The following TBC1D5 variants were observed in gnomAD, a reference collection of about 807,000 sequenced individuals.
The protein encoded by TBC1D5 is TBC1 domain family, member 5.
In TBC1D5, 75 loss-of-function variants were observed where a neutral mutation model predicts 100.3. The observed-to-expected ratio is 0.75, with a 90% CI of 0.62 to 0.91. The LOEUF (loss-of-function observed/expected upper bound fraction) is 0.91, where lower values mean the gene tolerates loss of function less well. Among genes scored for constraint, TBC1D5 ranks in the 40% least tolerant of loss-of-function variants. TBC1D5 has a pLI of 0.00. For synonymous variants in TBC1D5, 323 were observed against 325.6 expected (o/e 0.99, Z 0.09); for missense variants, 910 against 942.4 (o/e 0.97, Z 0.45).
chr3:17,399,779 G>T (rs1432870776), intron 8 of TBC1D5, among the ~76,000 whole-genome samples: 1 of 152,030 alleles, frequency 6.6e-6, no homozygotes, highest in Non-Finnish European at 1.5e-5. Context: ...TGCTCTAGCC[G>T]AACTGACTTC....
intron 8 of TBC1D5, among the ~76,000 whole-genome samples, chr3:17,390,740 TG>T (rs1174025256): frequency 6.6e-6 from 1 of 152,134 alleles, no homozygotes; most frequent in Non-Finnish European, 1.5e-5. Context: ...TATCTTACTG[TG>T]GTTTATTGTT....
Position 17,685,639 on chromosome 3 carries a change from C to T in TBC1D5, c.-101+53704G>A, listed in dbSNP as rs367813226. Among the ~76,000 whole-genome samples, 24 of 152,104 alleles carry T rather than the reference C, an allele frequency of 1.6e-4. 1 individual carries two copies. The South Asian group carries it at 2.5e-3, about 16-fold the overall frequency. ...ATCCTCATCTCAATACATATGAACA[C>T]ATTTTCAATGTTTAAAAGACTGCAT... is the stretch of plus-strand genomic sequence containing the variant. On this transcript the variant is annotated intron_variant, in intron 1 of 21. Transcript: ENST00000253692.
chr3:17,562,087 TG>T (rs1344550930), intron 2 of TBC1D5: 1 of 152,092 alleles, frequency 6.6e-6, no homozygotes, highest in East Asian at 1.9e-4. Context: ...GAGGCTACAA[TG>T]GGCTATGATT....
chr3:17,471,724 C>CAT (rs1172916381), intron 3 of TBC1D5, among the ~76,000 whole-genome samples: 1 of 145,178 alleles, frequency 6.9e-6, no homozygotes, highest in Non-Finnish European at 1.5e-5. Flanking sequence ...ATATCCAGTA[C>CAT]ATGTACACAC....
At chr3:17,659,287 G>A (rs115362963) in intron 1 of TBC1D5, among the ~76,000 whole-genome samples, 1 of 152,148 alleles carries the variant, frequency 6.6e-6, no homozygotes, top group Non-Finnish European at 1.5e-5. Context: ...AAGTCAAGGT[G>A]CTGAATAATA....
chr3:17,690,590 A>AT (rs2071003387), intron 1 of TBC1D5, among the ~76,000 whole-genome samples: 1 of 152,214 alleles, frequency 6.6e-6, no homozygotes, highest in African/African-American at 2.4e-5. Flanking sequence ...CTTCATCTGT[A>AT]TTTACAGCTG....
intron 3 of TBC1D5, among the ~76,000 whole-genome samples, chr3:17,445,619 T>C (rs1224380151): frequency 2.0e-5 from 3 of 152,208 alleles, no homozygotes; most frequent in African/African-American, 7.2e-5. Context: ...TACAATAAGA[T>C]ATTTTTGAAA....
chr3:17,559,278 T>TTG (rs1364776073), intron 2 of TBC1D5, among the ~76,000 whole-genome samples: 1 of 151,824 alleles, frequency 6.6e-6, no homozygotes, highest in East Asian at 2.0e-4. Flanking sequence ...GTAGCTGGGA[T>TTG]TACAGGCATG....
In TBC1D5 at chr3:17,246,467, AAAGT is replaced by A. The variant is rs140473156; in HGVS notation, c.1332-8052_1332-8049del. 7.1e-4 allele frequency among the ~76,000 whole-genome samples: 108 copies of A among 152,336 alleles called. No individual in the cohort carries two copies. In the East Asian group the frequency reaches 0.018, roughly 26 times the overall value. ...AAAATGCAAAGGAACTAGAATAGTG[AAAGT>A]AATAAAAAAGAACAAAGTTGGAGGA... On this transcript the variant is annotated intron_variant, in intron 16 of 21. Coordinates refer to ENST00000253692, the Ensembl canonical transcript of TBC1D5.
chr3:17,252,318 C>T (rs1262257111), intron 16 of TBC1D5, among the ~76,000 whole-genome samples: 1 of 152,162 alleles, frequency 6.6e-6, no homozygotes, highest in Non-Finnish European at 1.5e-5. Flanking sequence ...GTTCTTTGAT[C>T]TCTCACTCCA....
At chr3:17,478,963 T>C (rs980576094) in intron 3 of TBC1D5, among the ~76,000 whole-genome samples, 3 of 152,214 alleles carry the variant, frequency 2.0e-5, no homozygotes, top group Non-Finnish European at 4.4e-5. Flanking sequence ...ATGCTTACTA[T>C]ATTGTGTAAC....
In TBC1D5 at chr3:17,185,267, A is replaced by G. The variant is rs1156437438; in HGVS notation, c.1753-59T>C. On this transcript the variant is annotated intron_variant, in intron 18 of 21. Coordinates refer to ENST00000253692, the Ensembl canonical transcript of TBC1D5. ...TAGAGATTGTCAAATAAAATCTCCA[A>G]AGTTTTCTAAATGATCTAGACTAGT... The G allele has an allele frequency of 2.1e-6, 3 of 1,444,848 alleles. No homozygotes were observed. In the African/African-American group the frequency reaches 4.2e-5, roughly 20 times the overall value. The allele number at this position is 1,444,848 out of a possible 1,614,324, so 89.5% of individuals were successfully genotyped here.
rs970395452 is a variant in TBC1D5 at position 17,178,461 on chromosome 3, G to A, written c.1852+6648C>T. Among the ~76,000 whole-genome samples the A allele has an allele frequency of 2.6e-5, 4 of 152,040 alleles. 1 individual carries two copies. Among genetic ancestry groups the A allele is most frequent in the Admixed American group, 2.6e-4 (4 of 15,280 alleles). On this transcript the variant is annotated intron_variant, in intron 19 of 21. Transcript: ENST00000253692. Reference sequence around the variant, plus strand: ...CCAAATGTTAGCAATTGTGAACAGTGCTAAAAAAACATGGGAGTGCAGATA... The same window carrying A: ...CCAAATGTTAGCAATTGTGAACAGTACTAAAAAAACATGGGAGTGCAGATA...
At chr3:17,376,445 GA>G (rs2092711446) in intron 10 of TBC1D5, 79 bp downstream of exon 10, 1 of 1,192,080 alleles carries the variant, frequency 8.4e-7, no homozygotes, top group Non-Finnish European at 1.2e-6. Context: ...CTTCCATTTA[GA>G]AGATTTTGAG....
chr3:17,356,582 T>A (rs2091230589), intron 13 of TBC1D5, among the ~76,000 whole-genome samples: 1 of 152,192 alleles, frequency 6.6e-6, no homozygotes, highest in South Asian at 2.1e-4. Flanking sequence ...TGAATTCGGA[T>A]AAAAAGCATA....
At chr3:17,717,305 T>C (rs1449728122) in intron 1 of TBC1D5, among the ~76,000 whole-genome samples, 1 of 105,802 alleles carries the variant, frequency 9.5e-6, no homozygotes, top group South Asian at 3.8e-4. Context: ...GTCTAGCTAA[T>C]ACTTTAAATA....
In TBC1D5 at chr3:17,671,464, C is replaced by G. The variant is rs185783787; in HGVS notation, c.-100-47551G>C. Among the ~76,000 whole-genome samples the G allele has an allele frequency of 3.3e-5, 5 of 152,198 alleles. No individual in the cohort carries two copies. The East Asian group carries it at 9.7e-4, about 29-fold the overall frequency. On this transcript the variant is annotated intron_variant, in intron 1 of 21. Coordinates refer to ENST00000253692, the Ensembl canonical transcript of TBC1D5. ...TGAATTCACTGATTGACGGCCTCCCCCAAAGTGTCCCACAAATTGTAGAAA... is the reference window on the plus strand; with the variant it reads ...TGAATTCACTGATTGACGGCCTCCCGCAAAGTGTCCCACAAATTGTAGAAA...
chr3:17,539,619 C>T (rs1441690024), intron 2 of TBC1D5, among the ~76,000 whole-genome samples: 1 of 152,148 alleles, frequency 6.6e-6, no homozygotes, highest in Non-Finnish European at 1.5e-5. Context: ...GTCAGTTGTG[C>T]CTGAATTCCA....
chr3:17,269,507 A>G (rs979481402), intron 15 of TBC1D5, among the ~76,000 whole-genome samples: 7 of 152,104 alleles, frequency 4.6e-5, no homozygotes, highest in African/African-American at 1.7e-4. Context: ...TTTTTATTTT[A>G]GATTCATGGG....
Sources: gnomAD v4.1 joint callset for allele counts (sites outside exome capture counted in the v4.1 genomes callset) on GRCh38, gnomAD v4.1.1 for gene constraint, MANE v1.5 for transcripts, NCBI Gene and HGNC (gene_info 2026-07-23, HGNC 2026-07-21) for gene names.